The following ARHGAP6 variants were observed in gnomAD, a reference collection of about 807,000 sequenced individuals.
The protein encoded by ARHGAP6 is Rho GTPase activating protein 6, also known as rho GTPase-activating protein 6.
ARHGAP6 carries 16 observed loss-of-function variants against 55.7 expected under a neutral mutation model. The ratio of observed to expected loss-of-function variants is 0.29; its 90% confidence interval spans 0.19 to 0.44. The LOEUF (loss-of-function observed/expected upper bound fraction) is 0.44. Ranked by LOEUF, ARHGAP6 falls within the 20% of genes least tolerant of loss-of-function variation. The pLI is 1.00. For missense variants in ARHGAP6, 698 were observed against 808.9 expected (o/e 0.86, Z 1.66); for synonymous variants, 382 against 360.9 (o/e 1.06, Z -0.66).
intron 1 of ARHGAP6, among the ~76,000 whole-genome samples, chrX:11,400,444 T>TG (rs2049533991): frequency 9.3e-6 from 1 of 108,082 alleles, no homozygotes; most frequent in Non-Finnish European, 1.9e-5. Context: ...GTTCCAGTCA[T>TG]GAAAAAAAAA....
intron 1 of ARHGAP6, among the ~76,000 whole-genome samples, chrX:11,553,081 CA>C (rs902391739): frequency 9.0e-6 from 1 of 110,626 alleles, no homozygotes; most frequent in African/African-American, 3.3e-5. Context: ...AAAACAAGAC[CA>C]GGGGAACTTT....
At chrX:11,199,965 G>C (rs922771929) in intron 2 of ARHGAP6, among the ~76,000 whole-genome samples, 1 of 112,139 alleles carries the variant, frequency 8.9e-6, no homozygotes, top group African/African-American at 3.2e-5. Context: ...TTGTCTTGGA[G>C]TCCCCCATTT....
At chrX:11,422,661 T>C (rs2049835945) in intron 1 of ARHGAP6, among the ~76,000 whole-genome samples, 1 of 112,056 alleles carries the variant, frequency 8.9e-6, no homozygotes, top group African/African-American at 3.2e-5. Context: ...GACTGGACAA[T>C]AATTTCACAA....
intron 1 of ARHGAP6, among the ~76,000 whole-genome samples, chrX:11,623,258 T>C (rs1325513163): frequency 9.0e-6 from 1 of 111,426 alleles, no homozygotes; most frequent in African/African-American, 3.3e-5. Flanking sequence ...AAAATCCACA[T>C]ACAAAAATTA....
At chrX:11,650,893 T>C (rs1241197812) in intron 1 of ARHGAP6, among the ~76,000 whole-genome samples, 1 of 112,411 alleles carries the variant, frequency 8.9e-6, no homozygotes, top group Non-Finnish European at 1.9e-5. Flanking sequence ...ATATCACCTT[T>C]CATGTTTACT....
At chrX:11,335,934 T>TA (rs1297106903) in intron 1 of ARHGAP6, 1 of 137,830 alleles carries the variant, frequency 7.3e-6, no homozygotes, top group Non-Finnish European at 1.4e-5. Context: ...GTGCAGTGGG[T>TA]AGGCACAGGA....
intron 1 of ARHGAP6, among the ~76,000 whole-genome samples, chrX:11,592,927 A>G (rs911320288): frequency 9.0e-6 from 1 of 111,599 alleles, no homozygotes; most frequent in Admixed American, 9.5e-5. Context: ...CTATTACAGC[A>G]TATTTGTGCC....
intron 1 of ARHGAP6, among the ~76,000 whole-genome samples, chrX:11,623,820 C>T (rs1182926208): frequency 6.3e-5 from 7 of 111,538 alleles, no homozygotes; most frequent in East Asian, 2.8e-4. Context: ...AAGTGATTTA[C>T]GGATTCAATG....
rs1354325771 is a variant in ARHGAP6, at chrX:11,538,842, GT to G, written c.588+125398del. 1.6e-3 allele frequency among the ~76,000 whole-genome samples: 156 copies of G among 97,109 alleles called. 1 individual carries two copies. Among genetic ancestry groups the G allele is most frequent in the African/African-American group, 4.7e-3 (122 of 25,823 alleles). 84.3% of individuals were successfully genotyped at this position (97,109 alleles called of 115,157 possible). On this transcript the variant is annotated intron_variant, in intron 1 of 12. Coordinates refer to ENST00000337414, the MANE Select transcript of ARHGAP6 (RefSeq NM_013427.3). ...TGTGGGGACCACTGTGTGTGTGTGT[GT>G]GTGTGGTTTTTTTTTTTTTTTTTGA...
intron 1 of ARHGAP6, among the ~76,000 whole-genome samples, chrX:11,453,003 A>G (rs1254726110): frequency 9.1e-6 from 1 of 110,343 alleles, no homozygotes; most frequent in African/African-American, 3.3e-5. Flanking sequence ...ATTTATTAAA[A>G]GCATTTATTA....
chrX:11,166,213 G>A (rs1415959482), intron 9 of ARHGAP6, among the ~76,000 whole-genome samples: 1 of 111,297 alleles, frequency 9.0e-6, no homozygotes, highest in East Asian at 2.8e-4. Context: ...AAGGATGTTA[G>A]AACACCCAGA....
At chrX:11,147,349 A>T (rs1316361442) in intron 10 of ARHGAP6, among the ~76,000 whole-genome samples, 3 of 113,200 alleles carry the variant, frequency 2.7e-5, no homozygotes, top group Non-Finnish European at 5.6e-5. Flanking sequence ...ATACACATGC[A>T]TATACACATA....
At chrX:11,411,224 A>ATAT (rs2049683149) in intron 1 of ARHGAP6, among the ~76,000 whole-genome samples, 11 of 44,908 alleles carry the variant, frequency 2.4e-4, no homozygotes, top group Admixed American at 1.0e-3. Context: ...TATATATATA[A>ATAT]AATATACAAA....
At chrX:11,641,360 G>A in intron 1 of ARHGAP6, among the ~76,000 whole-genome samples, 1 of 111,708 alleles carries the variant, frequency 9.0e-6, no homozygotes, top group African/African-American at 3.2e-5. Flanking sequence ...GCCCAAATGG[G>A]AGAAAATGTT....
At chrX:11,374,094 G>A (rs771371940) in intron 1 of ARHGAP6, among the ~76,000 whole-genome samples, 63 of 111,902 alleles carry the variant, frequency 5.6e-4, no homozygotes, top group Non-Finnish European at 7.9e-4. Flanking sequence ...TAAGCCTGTT[G>A]AGGTAAAGGA....
At chrX:11,416,315 GA>G (rs1429840930) in intron 1 of ARHGAP6, among the ~76,000 whole-genome samples, 2 of 111,407 alleles carry the variant, frequency 1.8e-5, no homozygotes, top group African/African-American at 6.5e-5. Flanking sequence ...TTAAAAGCAA[GA>G]GTTGGGCTCA....
At chrX:11,187,871 A>G (rs1177630429) in intron 4 of ARHGAP6, among the ~76,000 whole-genome samples, 5 of 111,268 alleles carry the variant, frequency 4.5e-5, no homozygotes, top group African/African-American at 1.6e-4. Flanking sequence ...TCTACTAAAA[A>G]TAATAATAAT....
intron 1 of ARHGAP6, among the ~76,000 whole-genome samples, chrX:11,569,058 G>A: frequency 8.9e-6 from 1 of 112,008 alleles, no homozygotes. Flanking sequence ...GCTTTGAGCA[G>A]AGTTATACAG....
chrX:11,285,641 G>A lies in ARHGAP6; in HGVS notation c.589-30934C>T, dbSNP rs190081164. Among the ~76,000 whole-genome samples the A allele has an allele frequency of 7.1e-3, 796 of 111,700 alleles. 15 individuals are homozygous for A. The highest frequency in any genetic ancestry group is 0.024 in the African/African-American group (747 of 30,739). ...CTTCCTTTAAACTGAGAACAACAAAGATACCAGTTATTACCTCAATCACTT... is the reference window on the plus strand; with the variant it reads ...CTTCCTTTAAACTGAGAACAACAAAAATACCAGTTATTACCTCAATCACTT... On this transcript the variant is annotated intron_variant, in intron 1 of 12. Transcript: ENST00000337414.
Sources: allele counts gnomAD v4.1 joint callset (sites outside exome capture counted in the v4.1 genomes callset), GRCh38; gene constraint gnomAD v4.1.1; transcripts MANE v1.5; gene names NCBI Gene and HGNC (gene_info 2026-07-23, HGNC 2026-07-21).